The following MAF1 variants were observed in gnomAD, a reference collection of about 807,000 sequenced individuals.
The protein encoded by MAF1 is MAF1 negative regulator of RNA polymerase III.
MAF1 carries 7 observed loss-of-function variants against 31.9 expected under a neutral mutation model. The ratio of observed to expected loss-of-function variants is 0.22; its 90% CI spans 0.12 to 0.41. The LOEUF (loss-of-function observed/expected upper bound fraction) is 0.41. Among genes scored for constraint, MAF1 ranks in the 10% least tolerant of loss-of-function variants. The pLI, the probability that MAF1 is intolerant of heterozygous loss-of-function variation, is 1.00. For missense variants in MAF1, 221 were observed against 323.1 expected (o/e 0.68, Z 2.42); for synonymous variants, 157 against 120.0 (o/e 1.31, Z -2.02).
rs1311364593 is a variant in MAF1 at position 144,106,893 on chromosome 8, G to A, written c.679G>A (p.Glu227Lys). Residue 227 changes from glutamate (E) to lysine (K), a missense_variant, in exon 7 of 8, where the codon GAG becomes AAG. Glu to Lys is a moderately conservative substitution (Grantham distance 56, BLOSUM62 1). Around this residue, in one of 2 missense-constraint regions of MAF1, gnomAD observed 75 missense variants for 60.1 expected, o/e 1.25. Transcript: ENST00000322428. ...GNELDMELGE[E>K]EVEEESRSGG... The stretch of plus-strand genomic sequence containing the variant: ...CGAGCTGGACATGGAGCTGGGGGAG[G>A]AGGAGGTGGAGGAAGAAAGCAGAAG... The A allele has an allele frequency of 5.2e-6, 8 of 1,531,164 alleles. No homozygotes were observed. The highest frequency in any genetic ancestry group is 7.0e-6 in the Non-Finnish European group (8 of 1,141,846). 94.8% of individuals were successfully genotyped at this position (1,531,164 alleles called of 1,614,324 possible). A position where few individuals can be genotyped will look rare whatever the true frequency, so the allele number is the denominator to read the frequency against.
At chr8:144,105,521 G>C (rs555665685) in intron 1 of MAF1, 119 bp from the exon 2 acceptor site, 7 of 631,316 alleles carry the variant, frequency 1.1e-5, no homozygotes, top group Non-Finnish European at 1.7e-5. Context: ...CTGATGTGCA[G>C]CCTGGACAGA....
Position 144,105,884 on chromosome 8 carries a change from A to G in MAF1, c.99A>G (p.Ser33=), listed in dbSNP as rs753452002. Residue 33 remains serine, a synonymous_variant, in exon 3 of 8, where the codon TCA becomes TCG. Coordinates refer to ENST00000322428, the MANE Select transcript of MAF1 (RefSeq NM_032272.5). ...CATCCTATAGGATTGAGAGCTACTC[A>G]TGTAAGATGGCAGGAGACGACAAAC... ...AHIIGRIESY[S]CKMAGDDKHM... is the part of the protein sequence containing the mutation. 6.2e-7 allele frequency: 1 copy of G among 1,612,958 alleles called. No individual in the cohort carries two copies. The highest frequency in any genetic ancestry group is 8.5e-7 in the Non-Finnish European group (1 of 1,179,998).
rs1003492866 is a variant in MAF1, at chr8:144,105,926, C to T, written c.141C>T (p.Phe47=). 19 of 1,613,036 alleles carry T rather than the reference C, an allele frequency of 1.2e-5. No homozygotes were observed. The African/African-American group carries it at 1.9e-4, about 16-fold the overall frequency. ...AGDDKHMFKQ[F]CQEGQPHVLE... is the part of the protein sequence containing the mutation. ...ACGACAAACACATGTTCAAGCAGTT[C>T]TGCCAGGAGGGCCAGCCCCACGTGC... The change falls in exon 3 of 8, where the codon TTC becomes TTT. Residue 47 remains phenylalanine, a synonymous_variant. Coordinates refer to ENST00000322428, the MANE Select transcript of MAF1 (RefSeq NM_032272.5).
intron 2 of MAF1, 39 bp from the exon 3 acceptor site, chr8:144,105,830 G>C: frequency 6.2e-7 from 1 of 1,612,904 alleles, no homozygotes; most frequent in South Asian, 1.1e-5. Context: ...AGTGGAACCT[G>C]GGGGAAGCAT....
rs377586016 is a variant in MAF1, at chr8:144,107,508, G to A, written c.*399G>A. ...CAGTCACCGGCTCTGGTCTTGGGCC[G>A]GCCCCGGTGCCCACCTGTACCCCCA... On this transcript the variant is annotated 3_prime_UTR_variant, in exon 8 of 8. Coordinates refer to ENST00000322428, the MANE Select transcript of MAF1 (RefSeq NM_032272.5). 174 of 591,148 alleles carry A rather than the reference G, an allele frequency of 2.9e-4. No homozygotes were observed. The East Asian group carries it at 4.1e-3, about 14-fold the overall frequency. The allele number at this position is 591,148 out of a possible 1,614,324, so 36.6% of individuals were successfully genotyped here.
chr8:144,106,324 T>A lies in MAF1; in HGVS notation c.379-19T>A, dbSNP rs1220064690. 6.2e-7 allele frequency: 1 copy of A among 1,612,948 alleles called. No individual in the cohort carries two copies. The highest frequency in any genetic ancestry group is 1.3e-5 in the African/African-American group (1 of 74,934). On this transcript the variant is annotated intron_variant, in intron 4 of 7. Coordinates refer to ENST00000322428, the MANE Select transcript of MAF1 (RefSeq NM_032272.5). ...GGGTAGCCCTGGGCTCCTGTCACCC[T>A]GACTGTGACCTGCCCTAGGTGGTGA... is the stretch of plus-strand genomic sequence containing the variant.
chr8:144,106,981 T>C lies in MAF1; in HGVS notation c.749+18T>C, dbSNP rs1836427447. 3 of 1,542,786 alleles carry C rather than the reference T, an allele frequency of 1.9e-6. No homozygotes were observed. Among genetic ancestry groups the C allele is most frequent in the South Asian group, 2.4e-5 (2 of 83,934 alleles). ...GAGGACAGGTGTGTGATGGGGGCCA[T>C]GACCCGGGTCCTTGAAGCCTGGAGT... On this transcript the variant is annotated intron_variant, in intron 7 of 7. Coordinates refer to ENST00000322428, the MANE Select transcript of MAF1 (RefSeq NM_032272.5).
At chr8:144,106,715 C>T (rs762267888) in intron 6 of MAF1, 41 bp downstream of exon 6, 11 of 1,598,376 alleles carry the variant, frequency 6.9e-6, no homozygotes, top group South Asian at 3.4e-5. Context: ...CCTGTTGGGC[C>T]GATACAACTT....
Position 144,106,442 on chromosome 8 carries a change from C to T in MAF1, c.478C>T (p.Leu160=), listed in dbSNP as rs774244100. ...GAACGCGGTGGACGAGGAGATCTGC[C>T]TGGCTGAATGTGACATCTACAGGTG... The part of the protein sequence containing the change: ...LWNAVDEEIC[L]AECDIYSYNP... The change falls in exon 5 of 8, where the codon CTG becomes TTG. Residue 160 remains leucine, a synonymous_variant. Transcript: ENST00000322428. The T allele has an allele frequency of 3.7e-6, 6 of 1,613,976 alleles. No homozygotes were observed. Among genetic ancestry groups the T allele is most frequent in the South Asian group, 3.3e-5 (3 of 91,088 alleles).
intron 1 of MAF1, chr8:144,105,297 G>A: frequency 1.7e-5 from 1 of 59,216 alleles, no homozygotes. Context: ...GGTGGCTGGA[G>A]CTCTTTTGGA....
chr8:144,106,303 A>G, intron 4 of MAF1, 40 bp from the exon 5 acceptor site: 2 of 1,612,672 alleles, frequency 1.2e-6, no homozygotes, highest in Non-Finnish European at 1.7e-6. Context: ...CACTTTGGGT[A>G]GCCCTGGGCT....
Position 144,107,549 on chromosome 8 carries a change from CG to C in MAF1, c.*441del. Reference sequence around the variant, plus strand: ...TGTACCCCCACCTCGCCCATTTGGCCGCGTGCACTGAGTGTCACTTTGCTGC... The same window carrying C: ...TGTACCCCCACCTCGCCCATTTGGCCCGTGCACTGAGTGTCACTTTGCTGC... On this transcript the variant is annotated 3_prime_UTR_variant, in exon 8 of 8. Coordinates refer to ENST00000322428, the MANE Select transcript of MAF1 (RefSeq NM_032272.5). 3.3e-6 allele frequency: 2 copies of C among 614,476 alleles called. No homozygotes were observed. Among genetic ancestry groups the C allele is most frequent in the Non-Finnish European group, 5.9e-6 (2 of 340,894 alleles). 38.1% of individuals were successfully genotyped at this position (614,476 alleles called of 1,614,324 possible).
chr8:144,106,532 A>G (rs770451556), intron 5 of MAF1, 23 bp from the exon 6 acceptor site: 1 of 1,613,802 alleles, frequency 6.2e-7, no homozygotes, highest in Admixed American at 1.7e-5. Flanking sequence ...GCCTCACACC[A>G]CCTGTCACCC....
In MAF1 at chr8:144,106,956, G is replaced by A. The variant is rs1836427007; in HGVS notation, c.742G>A (p.Glu248Lys). The A allele has an allele frequency of 6.6e-7, 1 of 1,526,076 alleles. No individual in the cohort carries two copies. The highest frequency in any genetic ancestry group is 8.8e-7 in the Non-Finnish European group (1 of 1,134,736). 94.5% of individuals were successfully genotyped at this position (1,526,076 alleles called of 1,614,324 possible). A position where few individuals can be genotyped will look rare whatever the true frequency, so the allele number is the denominator to read the frequency against. ...SGAEETSTMEEDRVPVICI is the reference protein window; with the variant it reads ...SGAEETSTMEKDRVPVICI ...GGCCGAGGAGACCAGCACCATGGAG[G>A]AGGACAGGTGTGTGATGGGGGCCAT... Residue 248 changes from glutamate to lysine, a missense_variant, in exon 7 of 8, where the codon GAG becomes AAG. Physicochemically the swap from Glu to Lys is moderately conservative, Grantham distance 56. Coordinates refer to ENST00000322428, the MANE Select transcript of MAF1 (RefSeq NM_032272.5).
chr8:144,105,305 GGA>G, intron 1 of MAF1: 2 of 200,740 alleles, frequency 1.0e-5, no homozygotes, highest in Non-Finnish European at 2.0e-5. Context: ...GAGCTCTTTT[GGA>G]GTGGGCGTGG....
rs1175704280 is a variant in MAF1, at chr8:144,106,239, T to C, written c.376T>C (p.Trp126Arg). Reference protein sequence around the residue: ...HEFSREPSLSWVVNAVNCSLF... With the variant: ...HEFSREPSLSRVVNAVNCSLF... ...GTTCAGCCGGGAGCCCAGCCTTAGC[T>C]GGGTGAGGGTCAGGTGGAGGGAAGG... The change falls in exon 4 of 8, where the codon TGG (tryptophan) becomes CGG (arginine). Residue 126 changes from tryptophan to arginine, a missense_variant and splice_region_variant. This residue lies in a region of MAF1 where 146 missense variants were observed against 263.1 expected (regional missense o/e 0.56). Coordinates refer to ENST00000322428, the MANE Select transcript of MAF1 (RefSeq NM_032272.5). The C allele has an allele frequency of 6.2e-7, 1 of 1,613,702 alleles. No homozygotes were observed. Among genetic ancestry groups the C allele is most frequent in the Non-Finnish European group, 8.5e-7 (1 of 1,180,020 alleles).
chr8:144,106,533 C>A, intron 5 of MAF1, 22 bp from the exon 6 acceptor site: 1 of 1,613,930 alleles, frequency 6.2e-7, no homozygotes, highest in Non-Finnish European at 8.5e-7. Context: ...CCTCACACCA[C>A]CTGTCACCCT....
Position 144,105,673 on chromosome 8 carries a change from T to G in MAF1, c.-11T>G, listed in dbSNP as rs774943933. 9.9e-6 allele frequency: 16 copies of G among 1,612,922 alleles called. No individual in the cohort carries two copies. Among genetic ancestry groups the G allele is most frequent in the Non-Finnish European group, 1.3e-5 (15 of 1,179,648 alleles). ...AGCCCCTCTGGAGCACGGAGCTCCT[T>G]CCCCAAAGACATGAAGCTATTGGAG... is the stretch of plus-strand genomic sequence containing the variant. On this transcript the variant is annotated 5_prime_UTR_variant, in exon 2 of 8. Transcript: ENST00000322428.
In MAF1 at chr8:144,107,349, G is replaced by A; in HGVS notation, c.*240G>A. ...TTGTCAGCAGGGGGCCTGGTGGGAG[G>A]AGCGACTGCCCTGCCCAAATGAACT... On this transcript the variant is annotated 3_prime_UTR_variant, in exon 8 of 8. Transcript: ENST00000322428. 1 of 610,372 alleles carries A rather than the reference G, an allele frequency of 1.6e-6. No homozygotes were observed. 37.8% of individuals were successfully genotyped at this position (610,372 alleles called of 1,614,324 possible).
Sources: allele counts gnomAD v4.1 joint callset, GRCh38; gene constraint gnomAD v4.1.1; regional missense constraint gnomAD v4.1.1; transcripts MANE v1.5; gene names NCBI Gene and HGNC (gene_info 2026-07-23, HGNC 2026-07-21).